Variants in NCK1 observed in about 807,000 individuals in gnomAD.
NCK1 encodes the protein NCK adaptor protein 1.
A neutral mutation model predicts 36.6 loss-of-function variants in NCK1; 19 were observed. The observed-to-expected ratio is 0.52, with a 90% CI of 0.36 to 0.76. NCK1 has a LOEUF of 0.76. NCK1 is among the 30% of genes least tolerant of loss of function. The pLI is 0.00. For missense variants in NCK1, 358 were observed against 445.6 expected, an observed-to-expected ratio of 0.80 and a Z score of 1.77; for synonymous variants, 165 against 156.0, an observed-to-expected ratio of 1.06 and a Z score of -0.43.
At chr3:136,921,345 GA>G (rs1475349906) in intron 1 of NCK1, among the ~76,000 whole-genome samples, 1 of 152,212 alleles carries the variant, frequency 6.6e-6, no homozygotes, top group Non-Finnish European at 1.5e-5. Flanking sequence ...CCAGCAAAAT[GA>G]AGGGTAAAGC....
At chr3:136,879,080 T>C (rs1938857156) in intron 1 of NCK1, among the ~76,000 whole-genome samples, 1 of 150,400 alleles carries the variant, frequency 6.6e-6, no homozygotes, top group Non-Finnish European at 1.5e-5. Flanking sequence ...GCTTCTCATA[T>C]AAGAAACCTC....
intron 1 of NCK1, among the ~76,000 whole-genome samples, chr3:136,894,580 G>C (rs998066047): frequency 1.3e-5 from 2 of 152,150 alleles, no homozygotes; most frequent in African/African-American, 4.8e-5. Context: ...CCTTTAGTTT[G>C]AGGTGATGTT....
At chr3:136,898,019 C>T (rs1462727456) in intron 1 of NCK1, among the ~76,000 whole-genome samples, 1 of 152,180 alleles carries the variant, frequency 6.6e-6, no homozygotes, top group Non-Finnish European at 1.5e-5. Flanking sequence ...GAAGAAACAG[C>T]TTTCCCTTGT....
At chr3:136,903,352 G>T (rs2108102882) in intron 1 of NCK1, among the ~76,000 whole-genome samples, 1 of 152,248 alleles carries the variant, frequency 6.6e-6, no homozygotes, top group African/African-American at 2.4e-5. Context: ...CAGGTGAGAT[G>T]AGTTTATTGT....
At chr3:136,939,070 C>T (rs527332660) in intron 2 of NCK1, among the ~76,000 whole-genome samples, 48 of 152,204 alleles carry the variant, frequency 3.2e-4, no homozygotes, top group African/African-American at 1.0e-3. Flanking sequence ...CCTCTTTAAA[C>T]GTTTAGTAAA....
At chr3:136,908,771 A>G (rs1363651072) in intron 1 of NCK1, among the ~76,000 whole-genome samples, 2 of 152,210 alleles carry the variant, frequency 1.3e-5, no homozygotes, top group African/African-American at 4.8e-5. Flanking sequence ...TAGACAGCTA[A>G]TGGTTTCTGC....
intron 1 of NCK1, among the ~76,000 whole-genome samples, chr3:136,902,198 T>TGTG (rs1939561251): frequency 7.6e-6 from 1 of 131,502 alleles, no homozygotes. Flanking sequence ...TTTTTTTTTT[T>TGTG]TTTTGTTTTT....
chr3:136,875,768 C>G (rs1432201445), intron 1 of NCK1, among the ~76,000 whole-genome samples: 19 of 148,672 alleles, frequency 1.3e-4, no homozygotes, highest in Non-Finnish European at 1.8e-4. Flanking sequence ...AACAAGGATA[C>G]CCAGGAATTG....
chr3:136,946,259 T>G lies in NCK1; in HGVS notation c.903T>G (p.His301Gln). 6.2e-7 allele frequency: 1 copy of G among 1,613,030 alleles called. No homozygotes were observed. The highest frequency in any genetic ancestry group is 8.5e-7 in the Non-Finnish European group (1 of 1,179,664). ...QAEMALNERG[H>Q]EGDFLIRDSE... is the part of the protein sequence containing the mutation. ...AAATGGCATTAAATGAAAGAGGACA[T>G]GAAGGGGATTTCCTCATTCGTGATA... The change falls in exon 3 of 4, where the codon CAT (histidine) becomes CAG (glutamine). Residue 301 changes from histidine (H) to glutamine (Q), a missense_variant. By Grantham distance (24) the His-to-Gln change is conservative (BLOSUM62 0). This residue lies in a region of NCK1 where 207 missense variants were observed against 253.4 expected (regional missense o/e 0.82). Transcript: ENST00000481752.
chr3:136,925,367 A>G (rs148303547), intron 1 of NCK1, among the ~76,000 whole-genome samples: 3 of 152,212 alleles, frequency 2.0e-5, no homozygotes, highest in Admixed American at 1.3e-4. Flanking sequence ...TTATAGATCC[A>G]CATGCAATTC....
intron 2 of NCK1, among the ~76,000 whole-genome samples, chr3:136,935,786 G>C (rs1940513904): frequency 6.6e-6 from 1 of 152,114 alleles, no homozygotes; most frequent in African/African-American, 2.4e-5. Context: ...TACATTAACA[G>C]TGTTGTGCAG....
intron 1 of NCK1, among the ~76,000 whole-genome samples, chr3:136,909,507 C>A (rs146919119): frequency 2.6e-5 from 4 of 152,302 alleles, no homozygotes; most frequent in African/African-American, 9.6e-5. Flanking sequence ...CAACCAATTT[C>A]AATGGCAGAA....
In NCK1 at chr3:136,916,083, A is replaced by G. The variant is rs535870229; in HGVS notation, c.-18-11901A>G. Among the ~76,000 whole-genome samples the G allele has an allele frequency of 8.5e-4, 129 of 152,262 alleles. 1 individual carries two copies. Among genetic ancestry groups the G allele is most frequent in the African/African-American group, 2.7e-3 (114 of 41,556 alleles). ...GAGAATTCATCATGGAACAACAGCT[A>G]TCACAGAACAACAAGGGGGGAAATC... On this transcript the variant is annotated intron_variant, in intron 1 of 3. Transcript: ENST00000481752.
At chr3:136,863,660 G>C (rs1272439335) in intron 1 of NCK1, among the ~76,000 whole-genome samples, 1 of 152,190 alleles carries the variant, frequency 6.6e-6, no homozygotes. Context: ...ATAGTTTGCA[G>C]AGTGTTCACA....
chr3:136,867,159 TCC>T (rs1938464952), intron 1 of NCK1, among the ~76,000 whole-genome samples: 1 of 63,356 alleles, frequency 1.6e-5, no homozygotes, highest in African/African-American at 5.3e-5. Context: ...CTTCCTTCCT[TCC>T]TTCCTTCCTT....
chr3:136,909,349 G>C lies in NCK1; in HGVS notation c.-18-18635G>C, dbSNP rs908802147. ...AGAGGGGAAGGGCATGCTAGACTGA[G>C]GACTGAAACACCGTGTGAAAGGAGC... On this transcript the variant is annotated intron_variant, in intron 1 of 3. Transcript: ENST00000481752. 2.0e-5 allele frequency among the ~76,000 whole-genome samples: 3 copies of C among 152,244 alleles called. No homozygotes were observed. The South Asian group carries it at 6.2e-4, about 32-fold the overall frequency.
At chr3:136,943,948 T>G (rs1439304865) in intron 2 of NCK1, among the ~76,000 whole-genome samples, 1 of 152,024 alleles carries the variant, frequency 6.6e-6, no homozygotes, top group African/African-American at 2.4e-5. Flanking sequence ...GGCTGAGGAC[T>G]TTAAAAGTTA....
At chr3:136,941,459 C>T (rs1940674873) in intron 2 of NCK1, among the ~76,000 whole-genome samples, 1 of 151,996 alleles carries the variant, frequency 6.6e-6, no homozygotes, top group South Asian at 2.1e-4. Flanking sequence ...TTTTATTACC[C>T]TTCTTGTTTC....
intron 1 of NCK1, among the ~76,000 whole-genome samples, chr3:136,909,084 T>C (rs1475622146): frequency 1.3e-5 from 2 of 152,210 alleles, no homozygotes; most frequent in Non-Finnish European, 2.9e-5. Flanking sequence ...CAGATGCTAG[T>C]GTCTTGATCT....
Sources: allele counts gnomAD v4.1 joint callset (sites outside exome capture counted in the v4.1 genomes callset), GRCh38; gene constraint gnomAD v4.1.1; regional missense constraint gnomAD v4.1.1; transcripts MANE v1.5; gene names NCBI Gene and HGNC (gene_info 2026-07-23, HGNC 2026-07-21).